Variants in ARSG observed in about 807,000 individuals in gnomAD.
The protein encoded by ARSG is arylsulfatase G.
ARSG carries 37 observed loss-of-function variants against 50.5 expected under a neutral mutation model. That is an observed-to-expected ratio of 0.73 (90% CI 0.56 to 0.96). The LOEUF is 0.96. ARSG is among the 50% of genes least tolerant of loss of function. The pLI is 0.00. For missense variants in ARSG, 629 were observed against 675.3 expected, an observed-to-expected ratio of 0.93 and a Z score of 0.76; for synonymous variants, 225 against 254.6, an observed-to-expected ratio of 0.88 and a Z score of 1.11.
At chr17:68,309,353 A>G (rs550367915) in intron 2 of ARSG, among the ~76,000 whole-genome samples, 1 of 152,332 alleles carries the variant, frequency 6.6e-6, no homozygotes, top group Admixed American at 6.5e-5. Context: ...TAGAAAGGGG[A>G]TCCTACAGTG....
intron 5 of ARSG, among the ~76,000 whole-genome samples, chr17:68,355,158 A>G (rs1409088294): frequency 6.6e-6 from 1 of 152,208 alleles, no homozygotes; most frequent in Non-Finnish European, 1.5e-5. Flanking sequence ...TGTGCAATGC[A>G]CTAACCATTT....
intron 1 of ARSG, among the ~76,000 whole-genome samples, chr17:68,280,317 G>A (rs2075654725): frequency 6.7e-6 from 1 of 150,270 alleles, no homozygotes. Context: ...AACCACAAAA[G>A]ATCATGAATA....
At chr17:68,337,450 T>C (rs927066125) in intron 2 of ARSG, among the ~76,000 whole-genome samples, 8 of 151,616 alleles carry the variant, frequency 5.3e-5, no homozygotes, top group Non-Finnish European at 1.0e-4. Context: ...AGGCCCACAG[T>C]GGAGGGAGAA....
intron 5 of ARSG, among the ~76,000 whole-genome samples, chr17:68,355,958 T>C (rs1405632028): frequency 6.6e-6 from 1 of 152,142 alleles, no homozygotes; most frequent in Non-Finnish European, 1.5e-5. Context: ...CTCAGTTCAC[T>C]GCAACCTCCG....
chr17:68,450,167 A>AC, the ARSG span, among the ~76,000 whole-genome samples: 1 of 151,896 alleles, frequency 6.6e-6, no homozygotes, highest in African/African-American at 2.4e-5. Flanking sequence ...ATGCTACAAA[A>AC]AAAACAAAAA....
At chr17:68,419,132 G>A (rs912067106) in intron 11 of ARSG, among the ~76,000 whole-genome samples, 15 of 151,632 alleles carry the variant, frequency 9.9e-5, no homozygotes, top group Non-Finnish European at 1.3e-4. Context: ...TCGAATCCAC[G>A]TAAGACTGTC....
chr17:68,435,515 G>T, the ARSG span: 1 of 1,102,588 alleles, frequency 9.1e-7, no homozygotes, highest in South Asian at 1.3e-5. Flanking sequence ...TGGGCCCAGA[G>T]ACCAGTCAGT....
At chr17:68,414,440 G>C (rs1294812852) in intron 11 of ARSG, among the ~76,000 whole-genome samples, 1 of 152,112 alleles carries the variant, frequency 6.6e-6, no homozygotes, top group African/African-American at 2.4e-5. Context: ...CTAGTATTTT[G>C]TTAAGGATTT....
the ARSG span, among the ~76,000 whole-genome samples, chr17:68,441,637 G>A: frequency 2.0e-5 from 3 of 152,206 alleles, no homozygotes; most frequent in African/African-American, 7.2e-5. Flanking sequence ...GTGCAAGGCT[G>A]TCCTATGGGA....
At chr17:68,424,817 C>T (rs2083050956), downstream of ARSG, among the ~76,000 whole-genome samples, 1 of 152,002 alleles carries the variant, frequency 6.6e-6, no homozygotes, top group South Asian at 2.1e-4. Flanking sequence ...GCAGAGGCTG[C>T]AGCGAGCCGA....
At chr17:68,277,722 G>C (rs2075570099) in intron 1 of ARSG, among the ~76,000 whole-genome samples, 1 of 152,158 alleles carries the variant, frequency 6.6e-6, no homozygotes, top group Non-Finnish European at 1.5e-5. Flanking sequence ...ACTGTGCCCG[G>C]CCATCAGCAA....
chr17:68,302,438 A>C (rs1242464875), intron 1 of ARSG, among the ~76,000 whole-genome samples: 1 of 152,166 alleles, frequency 6.6e-6, no homozygotes, highest in African/African-American at 2.4e-5. Context: ...ATGCTTGGCC[A>C]CAGGGAGGCC....
In ARSG at chr17:68,351,697, C is replaced by CT; in HGVS notation, c.566+12dup. 1 of 1,572,210 alleles carries CT rather than the reference C, an allele frequency of 6.4e-7. No homozygotes were observed. The highest frequency in any genetic ancestry group is 1.7e-4 in the Middle Eastern group (1 of 5,976). Reference sequence around the variant, plus strand: ...TGATGGACCATCAAGGTAATGCTGTCTGACACATTTGCGATAGGCTCCAGG... The same window carrying CT: ...TGATGGACCATCAAGGTAATGCTGTCTTGACACATTTGCGATAGGCTCCAGG... On this transcript the variant is annotated intron_variant, in intron 5 of 11. Transcript: ENST00000621439.
chr17:68,361,115 G>A (rs528592086), intron 6 of ARSG, among the ~76,000 whole-genome samples: 9 of 152,190 alleles, frequency 5.9e-5, no homozygotes, highest in Admixed American at 3.3e-4. Context: ...GTGAGCTACC[G>A]TGCCCGGCCT....
intron 2 of ARSG, among the ~76,000 whole-genome samples, chr17:68,312,445 T>G (rs1555767103): frequency 6.6e-6 from 1 of 152,048 alleles, no homozygotes; most frequent in Non-Finnish European, 1.5e-5. Context: ...CCGCTTTCAG[T>G]GTTTAGCAGG....
At chr17:68,352,761 C>T (rs1338456370) in intron 5 of ARSG, among the ~76,000 whole-genome samples, 1 of 152,104 alleles carries the variant, frequency 6.6e-6, no homozygotes, top group Non-Finnish European at 1.5e-5. Context: ...CTGCCCACTT[C>T]GGCCTCCCAA....
intron 1 of ARSG, among the ~76,000 whole-genome samples, chr17:68,292,804 T>C (rs534594324): frequency 6.6e-6 from 1 of 152,308 alleles, no homozygotes; most frequent in East Asian, 1.9e-4. Flanking sequence ...AGAAGATTCG[T>C]TGGTACAGGG....
At chr17:68,326,267 C>CCCAGCTGA (rs765115061) in intron 2 of ARSG, among the ~76,000 whole-genome samples, 1 of 152,200 alleles carries the variant, frequency 6.6e-6, no homozygotes, top group Non-Finnish European at 1.5e-5. Flanking sequence ...AGAGCTGAAG[C>CCCAGCTGA]CCAGCTGACC....
intron 1 of ARSG, among the ~76,000 whole-genome samples, chr17:68,297,712 C>T (rs1265251827): frequency 1.3e-5 from 2 of 152,192 alleles, no homozygotes; most frequent in African/African-American, 4.8e-5. Flanking sequence ...GGTGATCCTC[C>T]TGTCTCGGCA....
Sources: gnomAD v4.1 joint callset for allele counts (sites outside exome capture counted in the v4.1 genomes callset) on GRCh38, gnomAD v4.1.1 for gene constraint, MANE v1.5 for transcripts, NCBI Gene and HGNC (gene_info 2026-07-23, HGNC 2026-07-21) for gene names.